FNBP1: variants seen among roughly 807,000 people sequenced by gnomAD.
FNBP1 encodes formin-binding protein 1.
In FNBP1, 26 loss-of-function variants were observed where a neutral mutation model predicts 90.6. The ratio of observed to expected loss-of-function variants is 0.29; its 90% CI spans 0.21 to 0.40. FNBP1 has a LOEUF of 0.40. Among genes scored for constraint, FNBP1 ranks in the 10% least tolerant of loss-of-function variants. The probability of loss-of-function intolerance (pLI) is 1.00; values close to 1 mark genes in which losing one functional copy is unlikely to be tolerated. For synonymous variants in FNBP1, 260 were observed against 265.2 expected (o/e 0.98, Z 0.19); for missense variants, 635 against 768.0 (o/e 0.83, Z 2.05).
rs148548811 is a variant in FNBP1, at chr9:129,887,841, G to A, written c.*2698C>T. ...TGGCGAAGTGACAGGCGGCAGATAC[G>A]GGGGAGGAAGGAGACGTTCACGGGA... is the stretch of plus-strand genomic sequence containing the variant. On this transcript the variant is annotated 3_prime_UTR_variant, in exon 17 of 17. Coordinates refer to ENST00000446176, the MANE Select transcript of FNBP1 (RefSeq NM_015033.3). 6.9e-5 allele frequency: 16 copies of A among 230,904 alleles called. No individual in the cohort carries two copies. Among genetic ancestry groups the A allele is most frequent in the East Asian group, 1.8e-4 (3 of 16,286 alleles). The allele number at this position is 230,904 out of a possible 1,614,324, so 14.3% of individuals were successfully genotyped here. A position where few individuals can be genotyped will look rare whatever the true frequency, so the allele number is the denominator to read the frequency against.
intron 6 of FNBP1, among the ~76,000 whole-genome samples, chr9:129,950,672 G>A (rs148495119): frequency 4.8e-4 from 73 of 152,274 alleles, no homozygotes; most frequent in African/African-American, 1.6e-3. Context: ...GGTAATGCCC[G>A]CTTCGGGAGA....
chr9:130,019,243 G>T (rs946482968), intron 1 of FNBP1, among the ~76,000 whole-genome samples: 2 of 150,850 alleles, frequency 1.3e-5, no homozygotes, highest in Non-Finnish European at 2.9e-5. Flanking sequence ...GGAGGTTGCA[G>T]TGAGCCGAGA....
At chr9:129,984,591 T>C (rs1030326857) in intron 2 of FNBP1, among the ~76,000 whole-genome samples, 1 of 151,992 alleles carries the variant, frequency 6.6e-6, no homozygotes, top group Admixed American at 6.6e-5. Context: ...CTGAGTGCCC[T>C]GGGGGTTCGC....
chr9:129,898,543 T>C (rs1014947242), intron 15 of FNBP1, among the ~76,000 whole-genome samples: 5 of 151,172 alleles, frequency 3.3e-5, no homozygotes, highest in African/African-American at 1.2e-4. Flanking sequence ...CAGGCTGGAG[T>C]AAAGTGGCAC....
intron 1 of FNBP1, among the ~76,000 whole-genome samples, chr9:130,004,013 C>G (rs1367311138): frequency 6.6e-6 from 1 of 151,002 alleles, no homozygotes; most frequent in Admixed American, 6.6e-5. Context: ...AAGCTATTTA[C>G]TTTGAGATGA....
chr9:129,921,852 G>C (rs1018753673), intron 10 of FNBP1, among the ~76,000 whole-genome samples: 2 of 152,132 alleles, frequency 1.3e-5, no homozygotes, highest in Admixed American at 1.3e-4. Context: ...TTGTAGTTTA[G>C]AATCTTTTCC....
Position 129,971,725 on chromosome 9 carries a change from C to T in FNBP1, c.345+6740G>A, listed in dbSNP as rs573586429. On this transcript the variant is annotated intron_variant, in intron 4 of 16. Transcript: ENST00000446176. ...ATTTGAAGACTTAAAGATCAAACAGCTGGTAGGGCTACAAAGGCAAGAATG... is the reference window on the plus strand; with the variant it reads ...ATTTGAAGACTTAAAGATCAAACAGTTGGTAGGGCTACAAAGGCAAGAATG... Among the ~76,000 whole-genome samples, 4 of 152,294 alleles carry T rather than the reference C, an allele frequency of 2.6e-5. No homozygotes were observed. The South Asian group carries it at 8.3e-4, about 32-fold the overall frequency.
chr9:129,984,121 T>G (rs1451567618), intron 2 of FNBP1, among the ~76,000 whole-genome samples: 1 of 152,076 alleles, frequency 6.6e-6, no homozygotes, highest in Non-Finnish European at 1.5e-5. Context: ...CCCAAGAATG[T>G]TTTGTGTTTT....
intron 1 of FNBP1, among the ~76,000 whole-genome samples, chr9:130,030,090 A>G (rs2058674851): frequency 6.6e-6 from 1 of 152,180 alleles, no homozygotes; most frequent in Non-Finnish European, 1.5e-5. Flanking sequence ...CAATCTGGGT[A>G]CCTGAATATA....
chr9:130,038,306 G>A (rs1365502518), intron 1 of FNBP1, among the ~76,000 whole-genome samples: 2 of 142,276 alleles, frequency 1.4e-5, no homozygotes, highest in East Asian at 4.4e-4. Context: ...AGTGAGCAGA[G>A]ATCGTGCGAC....
chr9:130,016,304 C>G (rs146258322), intron 1 of FNBP1, among the ~76,000 whole-genome samples: 91 of 152,244 alleles, frequency 6.0e-4, no homozygotes, highest in Non-Finnish European at 1.1e-3. Context: ...TTTAATACTC[C>G]TTTTGTGAAA....
intron 12 of FNBP1, among the ~76,000 whole-genome samples, chr9:129,906,063 A>G (rs906333247): frequency 1.4e-4 from 21 of 151,582 alleles, no homozygotes; most frequent in Admixed American, 6.6e-4. Flanking sequence ...TTGTATTTTT[A>G]GTAGAGATGG....
rs2132468436 is a variant in FNBP1, at chr9:130,042,417, A to G, written c.24+535T>C. 6.6e-6 allele frequency among the ~76,000 whole-genome samples: 1 copy of G among 152,040 alleles called. No individual in the cohort carries two copies. Among genetic ancestry groups the G allele is most frequent in the Non-Finnish European group, 1.5e-5 (1 of 67,936 alleles). On this transcript the variant is annotated intron_variant, in intron 1 of 16. Coordinates refer to ENST00000446176, the MANE Select transcript of FNBP1 (RefSeq NM_015033.3). The surrounding 1 kb of genome is among the most constrained non-coding windows in gnomAD (Gnocchi z 5.5). ...GCCAGAAGTCCTCGCCTCCAGAGCG[A>G]AGACCGCACTCTCGCCCCAGCACCC... is the stretch of plus-strand genomic sequence containing the variant.
chr9:129,908,773 G>C, intron 12 of FNBP1, 117 bp downstream of exon 12: 1 of 648,000 alleles, frequency 1.5e-6, no homozygotes, highest in Non-Finnish European at 2.8e-6. Flanking sequence ...GGATGGTCTT[G>C]ATCTCTTGAC....
At chr9:129,952,576 A>C (rs2046348858) in intron 6 of FNBP1, among the ~76,000 whole-genome samples, 1 of 152,150 alleles carries the variant, frequency 6.6e-6, no homozygotes, top group Non-Finnish European at 1.5e-5. Flanking sequence ...GGACAAAGAA[A>C]AGTATAAAGT....
At chr9:130,051,028 G>A in the FNBP1 span, among the ~76,000 whole-genome samples, 1 of 151,926 alleles carries the variant, frequency 6.6e-6, no homozygotes, top group Non-Finnish European at 1.5e-5. Context: ...AGCCTCCTGA[G>A]TAGCTGGGAT....
chr9:129,958,311 A>T (rs1026080998), intron 5 of FNBP1, among the ~76,000 whole-genome samples, 180 bp downstream of exon 5: 4 of 152,110 alleles, frequency 2.6e-5, no homozygotes, highest in South Asian at 4.1e-4. Flanking sequence ...GTGTGCCTGT[A>T]ATCTTAGCTA....
intron 6 of FNBP1, among the ~76,000 whole-genome samples, chr9:129,955,869 G>GAATT (rs1283309857): frequency 1.5e-5 from 2 of 136,470 alleles, no homozygotes; most frequent in Non-Finnish European, 3.2e-5. Context: ...ACACATATAT[G>GAATT]AATGATACAT....
chr9:129,985,269 C>A (rs905542772), intron 2 of FNBP1, among the ~76,000 whole-genome samples: 4 of 148,474 alleles, frequency 2.7e-5, no homozygotes, highest in African/African-American at 9.8e-5. Flanking sequence ...GTGCGGCTCA[C>A]GTTAGAAACA....
Sources: gnomAD v4.1 joint callset for allele counts (sites outside exome capture counted in the v4.1 genomes callset) on GRCh38, gnomAD v4.1.1 for gene constraint, Gnocchi (gnomAD v3.1) non-coding constraint, MANE v1.5 for transcripts, NCBI Gene and HGNC (gene_info 2026-07-23, HGNC 2026-07-21) for gene names.